CRISPLD2: variants seen among roughly 807,000 people sequenced by gnomAD.
The protein encoded by CRISPLD2 is cysteine rich secretory protein LCCL domain containing 2.
A neutral mutation model predicts 71.1 loss-of-function variants in CRISPLD2; 47 were observed. The observed-to-expected ratio is 0.66, with a 90% confidence interval of 0.52 to 0.84. The LOEUF is 0.84. Ranked by LOEUF, CRISPLD2 falls within the 40% of genes least tolerant of loss-of-function variation. The probability of loss-of-function intolerance (pLI) is 0.00; values close to 1 mark genes in which losing one functional copy is unlikely to be tolerated. For synonymous variants in CRISPLD2, 317 were observed against 250.1 expected (o/e 1.27, Z -2.52); for missense variants, 830 against 651.1 (o/e 1.27, Z -2.99).
At chr16:84,882,006 A>G (rs995097344) in intron 13 of CRISPLD2, among the ~76,000 whole-genome samples, 1 of 152,046 alleles carries the variant, frequency 6.6e-6, no homozygotes, top group Non-Finnish European at 1.5e-5. Context: ...AAAGTGATTC[A>G]GCTAAAATTG....
In CRISPLD2 at chr16:84,905,890, C is replaced by T. The variant is rs528062948; in HGVS notation, c.1440-698C>T. Among the ~76,000 whole-genome samples, 233 of 149,480 alleles carry T rather than the reference C, an allele frequency of 1.6e-3. 1 individual carries two copies. Among genetic ancestry groups the T allele is most frequent in the African/African-American group, 4.2e-3 (171 of 40,542 alleles). On this transcript the variant is annotated intron_variant, in intron 14 of 14. Coordinates refer to ENST00000262424, the MANE Select transcript of CRISPLD2 (RefSeq NM_031476.4). Reference sequence around the variant, plus strand: ...ACATCCGGCTAATTTTTGTATTTTTCGTAGAGATGGGGTTTCACCATGTTG... The same window carrying T: ...ACATCCGGCTAATTTTTGTATTTTTTGTAGAGATGGGGTTTCACCATGTTG...
chr16:84,868,009 C>T (rs1009182245), intron 7 of CRISPLD2, among the ~76,000 whole-genome samples: 9 of 152,214 alleles, frequency 5.9e-5, no homozygotes, highest in Non-Finnish European at 1.0e-4. Flanking sequence ...GGCTGGAGGG[C>T]TGGGCTGGAT....
intron 2 of CRISPLD2, among the ~76,000 whole-genome samples, chr16:84,844,877 T>G (rs936969262): frequency 3.3e-5 from 5 of 152,046 alleles, no homozygotes; most frequent in Admixed American, 6.6e-5. Flanking sequence ...AGGCTTCCCC[T>G]CCCCATTACT....
intron 5 of CRISPLD2, among the ~76,000 whole-genome samples, chr16:84,852,038 T>G (rs1454764309): frequency 7.2e-5 from 11 of 152,118 alleles, no homozygotes; most frequent in African/African-American, 1.7e-4. Flanking sequence ...CAGATCAAGG[T>G]GTGGCAGATC....
At chr16:84,824,758 CT>C (rs1190383075) in intron 1 of CRISPLD2, among the ~76,000 whole-genome samples, 1 of 152,162 alleles carries the variant, frequency 6.6e-6, no homozygotes, top group Non-Finnish European at 1.5e-5. Flanking sequence ...AGAAAGTTAC[CT>C]TTTTAAAGTA....
At chr16:84,887,162 A>G (rs2071620671) in intron 13 of CRISPLD2, among the ~76,000 whole-genome samples, 1 of 152,098 alleles carries the variant, frequency 6.6e-6, no homozygotes, top group Non-Finnish European at 1.5e-5. Flanking sequence ...GGGCTCGGGT[A>G]TTGTGCAGAG....
At chr16:84,905,800 C>T (rs1567709415) in intron 14 of CRISPLD2, among the ~76,000 whole-genome samples, 2 of 151,636 alleles carry the variant, frequency 1.3e-5, no homozygotes, top group Non-Finnish European at 2.9e-5. Flanking sequence ...TCCTCCGCCT[C>T]CCAGGTTCAA....
At chr16:84,844,674 CT>C (rs1916863430) in intron 2 of CRISPLD2, among the ~76,000 whole-genome samples, 1 of 152,090 alleles carries the variant, frequency 6.6e-6, no homozygotes, top group Non-Finnish European at 1.5e-5. Flanking sequence ...ATCTCCGGCA[CT>C]TTCTATCTTC....
intron 13 of CRISPLD2, among the ~76,000 whole-genome samples, chr16:84,884,275 T>G (rs182231936): frequency 6.6e-6 from 1 of 152,158 alleles, no homozygotes; most frequent in Non-Finnish European, 1.5e-5. Flanking sequence ...TGGGGCAAGG[T>G]GTGAGCCCCC....
intron 10 of CRISPLD2, 81 bp from the exon 11 acceptor site, chr16:84,873,839 T>C: frequency 7.7e-7 from 1 of 1,294,228 alleles, no homozygotes; most frequent in Non-Finnish European, 1.1e-6. Context: ...AAGATAAGTA[T>C]AGGAGCAAGC....
chr16:84,829,991 A>G (rs1318835284), intron 1 of CRISPLD2, among the ~76,000 whole-genome samples: 2 of 152,240 alleles, frequency 1.3e-5, no homozygotes, highest in African/African-American at 4.8e-5. Context: ...AACTGCAGCC[A>G]GCTTGGACTG....
chr16:84,839,009 C>T (rs1407748773), intron 2 of CRISPLD2: 1 of 567,330 alleles, frequency 1.8e-6, no homozygotes, highest in Non-Finnish European at 3.3e-6. Flanking sequence ...CTTCAGCCTC[C>T]CAAGTAGCTG....
At chr16:84,860,168 CAAGCAAATA>C (rs1353542408) in intron 6 of CRISPLD2, among the ~76,000 whole-genome samples, 2 of 152,130 alleles carry the variant, frequency 1.3e-5, no homozygotes, top group African/African-American at 4.8e-5. Context: ...TTCAGCTAAC[CAAGCAAATA>C]AAGCAAATAA....
rs35049212 is a variant in CRISPLD2, at chr16:84,877,487, A to G, written c.1206A>G (p.Glu402=). Residue 402 remains glutamate, a synonymous_variant, in exon 12 of 15, where the codon GAA becomes GAG. Coordinates refer to ENST00000262424, the MANE Select transcript of CRISPLD2 (RefSeq NM_031476.4). The stretch of plus-strand genomic sequence containing the variant: ...CCGTTGCTCAGCTGTGCCCGTTTGA[A>G]AAGCCAGCAACTCACTGCCCAAGGT... ...YTTVAQLCPF[E]KPATHCPRIH... 2.5e-3 allele frequency: 4,077 copies of G among 1,613,900 alleles called. 65 individuals carry two copies. The African/African-American group carries it at 0.038, about 15-fold the overall frequency.
At position 84,873,894 on chromosome 16, in the gene CRISPLD2, T is replaced by A. The variant is rs749313960; in HGVS notation, c.1113-26T>A. On this transcript the variant is annotated intron_variant, in intron 10 of 14. Transcript: ENST00000262424. ...TCTATTTGCATTTACCTAATGCCCG[T>A]TTTTTTTTTTTTTTTTTTTAAACAG... The A allele has an allele frequency of 2.6e-4, 10 of 38,488 alleles. No homozygotes were observed. The East Asian group carries it at 0.012, about 48-fold the overall frequency. 2.4% of individuals were successfully genotyped at this position (38,488 alleles called of 1,614,324 possible).
intron 6 of CRISPLD2, among the ~76,000 whole-genome samples, chr16:84,864,078 C>T (rs918061693): frequency 2.0e-5 from 3 of 152,064 alleles, no homozygotes; most frequent in Admixed American, 6.6e-5. Flanking sequence ...ACATTAGCTC[C>T]GGGCATGGTC....
chr16:84,831,122 G>A lies in CRISPLD2; in HGVS notation c.-74-7300G>A, dbSNP rs1283856310. 2.0e-5 allele frequency among the ~76,000 whole-genome samples: 3 copies of A among 152,188 alleles called. No homozygotes were observed. In the South Asian group the frequency reaches 6.2e-4, roughly 32 times the overall value. On this transcript the variant is annotated intron_variant, in intron 1 of 14. Transcript: ENST00000262424. ...ATCCTGGGTGGGGAGCCCAGGGCCGGGGGTGCCCATGGGCCTGTCAACTCA... is the reference window on the plus strand; with the variant it reads ...ATCCTGGGTGGGGAGCCCAGGGCCGAGGGTGCCCATGGGCCTGTCAACTCA...
rs115054382 is a variant in CRISPLD2 at position 84,864,983 on chromosome 16, A to G, written c.710-1914A>G. Reference sequence around the variant, plus strand: ...AGTGAAATTGGCCAGTGAAGCAGCTATGGAGAACCCCAGCCCAGGAAGGCG... The same window carrying G: ...AGTGAAATTGGCCAGTGAAGCAGCTGTGGAGAACCCCAGCCCAGGAAGGCG... On this transcript the variant is annotated intron_variant, in intron 6 of 14. Transcript: ENST00000262424. 6.6e-3 allele frequency among the ~76,000 whole-genome samples: 1,006 copies of G among 152,284 alleles called. 13 individuals are homozygous for G. Among genetic ancestry groups the G allele is most frequent in the African/African-American group, 0.023 (957 of 41,576 alleles).
chr16:84,850,130 G>C (rs569535085), intron 4 of CRISPLD2, among the ~76,000 whole-genome samples: 8 of 146,330 alleles, frequency 5.5e-5, no homozygotes, highest in African/African-American at 2.0e-4. Flanking sequence ...TCCCTCTGTC[G>C]CCCAGGCTGG....
Sources: allele counts gnomAD v4.1 joint callset (sites outside exome capture counted in the v4.1 genomes callset), GRCh38; gene constraint gnomAD v4.1.1; transcripts MANE v1.5; gene names NCBI Gene and HGNC (gene_info 2026-07-23, HGNC 2026-07-21).